Variants in HEPHL1 observed in about 807,000 individuals in gnomAD.
The protein encoded by HEPHL1 is ferroxidase HEPHL1.
HEPHL1 carries 123 observed loss-of-function variants against 122.0 expected under a neutral mutation model. The ratio of observed to expected loss-of-function variants is 1.01; its 90% CI spans 0.87 to 1.17. HEPHL1 has a LOEUF of 1.17. Ranked by LOEUF, HEPHL1 falls within the 50% of genes most tolerant of loss-of-function variation. HEPHL1 has a pLI of 0.00. For synonymous variants in HEPHL1, 527 were observed against 508.9 expected (o/e 1.04, Z -0.48); for missense variants, 1,452 against 1,430.5 (o/e 1.01, Z -0.24).
intron 1 of HEPHL1, among the ~76,000 whole-genome samples, chr11:94,044,931 T>C (rs1056335714): frequency 1.2e-4 from 19 of 152,052 alleles, no homozygotes; most frequent in African/African-American, 4.3e-4. Flanking sequence ...GGCTATTTTT[T>C]TTAAGACGGA....
intron 13 of HEPHL1, among the ~76,000 whole-genome samples, chr11:94,096,759 G>A (rs569187102): frequency 6.6e-6 from 1 of 152,304 alleles, no homozygotes; most frequent in African/African-American, 2.4e-5. Context: ...GGGTGTATGT[G>A]TCGAGGAATT....
At chr11:94,055,286 C>G in intron 2 of HEPHL1, 1 of 287,722 alleles carries the variant, frequency 3.5e-6, no homozygotes. Flanking sequence ...CCACCTGTTT[C>G]ACTCCCACCA....
intron 6 of HEPHL1, 117 bp from the exon 7 acceptor site, chr11:94,072,908 T>C: frequency 2.1e-6 from 2 of 940,234 alleles, no homozygotes; most frequent in Non-Finnish European, 3.2e-6. Flanking sequence ...CTGTGCTGTC[T>C]TTTCTGGGGA....
chr11:94,084,559 T>C (rs1431092789), intron 10 of HEPHL1, among the ~76,000 whole-genome samples: 1 of 152,060 alleles, frequency 6.6e-6, no homozygotes, highest in South Asian at 2.1e-4. Context: ...CTTTGTGTTG[T>C]GTTTATTATA....
At chr11:94,026,404 TAAGA>T in intron 1 of HEPHL1, among the ~76,000 whole-genome samples, 1 of 152,282 alleles carries the variant, frequency 6.6e-6, no homozygotes, top group East Asian at 1.9e-4. Context: ...CCTCTGACAC[TAAGA>T]AAGAAGGGGA....
At chr11:94,049,324 C>CA (rs11437991) in intron 2 of HEPHL1, among the ~76,000 whole-genome samples, 151,913 of 151,914 alleles carry the variant, frequency 1, 75,956 homozygotes, top group Non-Finnish European at 1. Context: ...GTACCCCCTC[C>CA]AAACCCAAAA....
chr11:94,070,329 T>G, intron 5 of HEPHL1, 45 bp from the exon 6 acceptor site: 1 of 1,532,996 alleles, frequency 6.5e-7, no homozygotes, highest in Non-Finnish European at 8.8e-7. Context: ...TGATTCCTTT[T>G]GTGATCATTT....
At chr11:94,029,475 C>T (rs184616687) in intron 1 of HEPHL1, among the ~76,000 whole-genome samples, 18 of 152,282 alleles carry the variant, frequency 1.2e-4, no homozygotes, top group South Asian at 1.0e-3. Flanking sequence ...AATTAGAATA[C>T]GCAAGCCCTA....
chr11:94,060,863 T>A (rs1196554795), intron 2 of HEPHL1, among the ~76,000 whole-genome samples: 1 of 152,160 alleles, frequency 6.6e-6, no homozygotes, highest in Non-Finnish European at 1.5e-5. Context: ...TTTGAAAAGA[T>A]CACTCTTGTG....
At chr11:94,087,757 A>G (rs1291827873) in intron 11 of HEPHL1, among the ~76,000 whole-genome samples, 1 of 152,164 alleles carries the variant, frequency 6.6e-6, no homozygotes, top group Non-Finnish European at 1.5e-5. Context: ...TTTCATATAA[A>G]GACCCTTCCT....
At chr11:94,046,650 TTTTTGGTG>T (rs1945842352) in intron 2 of HEPHL1, among the ~76,000 whole-genome samples, 1 of 151,176 alleles carries the variant, frequency 6.6e-6, no homozygotes, top group South Asian at 2.1e-4. Flanking sequence ...CAGGCGGCTG[TTTTTGGTG>T]CTGCCTTTGT....
chr11:94,068,897 A>T (rs1410872573), intron 5 of HEPHL1, among the ~76,000 whole-genome samples: 1 of 152,158 alleles, frequency 6.6e-6, no homozygotes, highest in East Asian at 1.9e-4. Context: ...AGGTGCAAAG[A>T]TCCAGCTGCT....
intron 2 of HEPHL1, among the ~76,000 whole-genome samples, chr11:94,053,823 T>C (rs1194685914): frequency 6.6e-6 from 1 of 152,244 alleles, no homozygotes; most frequent in Non-Finnish European, 1.5e-5. Flanking sequence ...ATATGCTTTG[T>C]ATGATAGTAA....
intron 11 of HEPHL1, 57 bp from the exon 12 acceptor site, chr11:94,088,698 C>A: frequency 1.5e-6 from 2 of 1,344,850 alleles, no homozygotes; most frequent in Non-Finnish European, 2.1e-6. Flanking sequence ...TAAAAACAGA[C>A]CATCACCAAC....
intron 2 of HEPHL1, among the ~76,000 whole-genome samples, chr11:94,058,324 T>C (rs1018127172): frequency 2.6e-5 from 4 of 152,216 alleles, no homozygotes; most frequent in African/African-American, 9.6e-5. Flanking sequence ...ATAGTTGCTT[T>C]TTTGGGAAGA....
At chr11:94,035,927 G>A (rs1157162425) in intron 1 of HEPHL1, among the ~76,000 whole-genome samples, 3 of 152,106 alleles carry the variant, frequency 2.0e-5, no homozygotes, top group Non-Finnish European at 4.4e-5. Context: ...TAGTAGAGAC[G>A]GGGTTTCACC....
At chr11:94,093,664 C>T (rs918509681) in intron 13 of HEPHL1, 24 bp downstream of exon 13, 2 of 1,605,694 alleles carry the variant, frequency 1.2e-6, no homozygotes, top group South Asian at 2.2e-5. Context: ...TTCAGGCGTG[C>T]ACTGTCAGCC....
intron 2 of HEPHL1, chr11:94,055,722 ATC>A: frequency 2.7e-6 from 1 of 375,576 alleles, no homozygotes; most frequent in South Asian, 2.3e-5. Flanking sequence ...CATTCTGTAA[ATC>A]TTCACTACCA....
intron 1 of HEPHL1, among the ~76,000 whole-genome samples, chr11:94,026,773 T>C (rs1945629575): frequency 6.6e-6 from 1 of 152,218 alleles, no homozygotes; most frequent in African/African-American, 2.4e-5. Flanking sequence ...GCCAAGGCAG[T>C]CCAGTTTGCT....
Sources: gnomAD v4.1 joint callset for allele counts (sites outside exome capture counted in the v4.1 genomes callset) on GRCh38, gnomAD v4.1.1 for gene constraint, MANE v1.5 for transcripts, NCBI Gene and HGNC (gene_info 2026-07-23, HGNC 2026-07-21) for gene names.